SLC9C1: variants seen among roughly 807,000 people sequenced by gnomAD.
SLC9C1 encodes solute carrier family 9 member C1, also known as sodium/hydrogen exchanger 10.
Under a neutral mutation model 140.9 loss-of-function variants are expected in SLC9C1, and 97 were observed. The observed-to-expected ratio is 0.69, with a 90% confidence interval of 0.58 to 0.82. The LOEUF (loss-of-function observed/expected upper bound fraction) is 0.82, where lower values mean the gene tolerates loss of function less well. Ranked by LOEUF, SLC9C1 falls within the 40% of genes least tolerant of loss-of-function variation. SLC9C1 has a pLI of 0.00. For synonymous variants in SLC9C1, 440 were observed against 442.6 expected (o/e 0.99, Z 0.07); for missense variants, 1,340 against 1,389.3 (o/e 0.96, Z 0.56).
chr3:112,243,952 G>T, intron 11 of SLC9C1, 43 bp downstream of exon 11: 3 of 1,313,002 alleles, frequency 2.3e-6, no homozygotes, highest in Non-Finnish European at 3.2e-6. Flanking sequence ...ACCATACTTA[G>T]AATGTTTTTC....
chr3:112,214,986 C>T (rs968950695), intron 15 of SLC9C1, among the ~76,000 whole-genome samples: 1 of 152,152 alleles, frequency 6.6e-6, no homozygotes, highest in African/African-American at 2.4e-5. Context: ...CCGAATCCAG[C>T]AGCACATCAA....
intron 10 of SLC9C1, among the ~76,000 whole-genome samples, chr3:112,247,872 AGT>A (rs56782439): frequency 0.13 from 19,152 of 149,658 alleles, 1,396 homozygotes; most frequent in East Asian, 0.21. Flanking sequence ...TTTACTCTTG[AGT>A]GTGTGTGTGT....
intron 7 of SLC9C1, among the ~76,000 whole-genome samples, chr3:112,268,273 A>G (rs1427393522): frequency 6.6e-6 from 1 of 152,178 alleles, no homozygotes; most frequent in African/African-American, 2.4e-5. Flanking sequence ...AACCCTCGGT[A>G]TATTATAATT....
chr3:112,180,717 G>A, intron 21 of SLC9C1, 55 bp from the exon 22 acceptor site: 1 of 1,436,864 alleles, frequency 7.0e-7, no homozygotes, highest in Non-Finnish European at 9.6e-7. Context: ...AAGTGGTTGG[G>A]AATGTTAAAA....
At chr3:112,170,077 T>A (rs1246018013) in intron 23 of SLC9C1, among the ~76,000 whole-genome samples, 1 of 152,028 alleles carries the variant, frequency 6.6e-6, no homozygotes, top group Admixed American at 6.6e-5. Flanking sequence ...TAGACATTGG[T>A]GTAGGCAAAG....
At chr3:112,270,636 C>T (rs1347334712) in intron 6 of SLC9C1, among the ~76,000 whole-genome samples, 3 of 152,062 alleles carry the variant, frequency 2.0e-5, no homozygotes, top group African/African-American at 4.8e-5. Flanking sequence ...GCCAACATGG[C>T]GAAATCCCAT....
intron 28 of SLC9C1, among the ~76,000 whole-genome samples, chr3:112,146,458 A>G (rs146193698): frequency 4.6e-5 from 7 of 152,002 alleles, no homozygotes; most frequent in African/African-American, 1.7e-4. Context: ...AGTGTTATAA[A>G]CTTTATGCTT....
chr3:112,242,103 A>G (rs1559703388), intron 11 of SLC9C1, among the ~76,000 whole-genome samples: 1 of 152,196 alleles, frequency 6.6e-6, no homozygotes, highest in Non-Finnish European at 1.5e-5. Flanking sequence ...AGCAACACCT[A>G]ATTAAACTAG....
chr3:112,208,130 C>A (rs1458202298), intron 16 of SLC9C1, 48 bp downstream of exon 16: 2 of 1,390,092 alleles, frequency 1.4e-6, no homozygotes, highest in Middle Eastern at 1.9e-4. Flanking sequence ...TAGGAAATCT[C>A]CCTGTCAGAC....
At chr3:112,155,178 T>C in intron 26 of SLC9C1, 129 bp from the exon 27 acceptor site, 1 of 657,684 alleles carries the variant, frequency 1.5e-6, no homozygotes, top group Non-Finnish European at 2.4e-6. Flanking sequence ...TTGGTGGTAA[T>C]CTCATTTGGT....
chr3:112,208,772 T>A (rs1342731240), intron 15 of SLC9C1, among the ~76,000 whole-genome samples: 1 of 152,202 alleles, frequency 6.6e-6, no homozygotes, highest in Non-Finnish European at 1.5e-5. Flanking sequence ...TTGTTCCAAC[T>A]TTTTATGTTT....
intron 15 of SLC9C1, among the ~76,000 whole-genome samples, chr3:112,214,438 A>G (rs1338808071): frequency 6.6e-6 from 1 of 152,214 alleles, no homozygotes; most frequent in Non-Finnish European, 1.5e-5. Flanking sequence ...TTTTGAAAAG[A>G]TCAACAAAAT....
chr3:112,263,232 G>T, intron 9 of SLC9C1, 134 bp from the exon 10 acceptor site: 2 of 628,468 alleles, frequency 3.2e-6, no homozygotes, highest in Non-Finnish European at 5.0e-6. Flanking sequence ...ACACACTGTT[G>T]ACATGACACC....
At chr3:112,215,689 C>T (rs534549260) in intron 15 of SLC9C1, among the ~76,000 whole-genome samples, 8 of 152,122 alleles carry the variant, frequency 5.3e-5, no homozygotes, top group Non-Finnish European at 1.0e-4. Flanking sequence ...CAAACCACTG[C>T]TCAACAAAAT....
At chr3:112,273,118 T>A (rs2080120400) in intron 6 of SLC9C1, among the ~76,000 whole-genome samples, 1 of 152,142 alleles carries the variant, frequency 6.6e-6, no homozygotes, top group Admixed American at 6.6e-5. Context: ...CAATTGTACT[T>A]CTTTCAGGTT....
intron 20 of SLC9C1, among the ~76,000 whole-genome samples, chr3:112,187,592 T>TG (rs562062119): frequency 6.6e-6 from 1 of 152,168 alleles, no homozygotes; most frequent in Non-Finnish European, 1.5e-5. Flanking sequence ...TTGTGGCAAC[T>TG]GGGGGACTTG....
chr3:112,227,451 C>T (rs1173091542), intron 13 of SLC9C1, among the ~76,000 whole-genome samples: 1 of 152,160 alleles, frequency 6.6e-6, no homozygotes, highest in African/African-American at 2.4e-5. Flanking sequence ...CAAATCAACA[C>T]ACGTAAGACA....
chr3:112,190,960 CACACAT>C (rs758030687), intron 20 of SLC9C1, among the ~76,000 whole-genome samples: 6,389 of 147,620 alleles, frequency 0.043, 195 homozygotes, highest in Middle Eastern at 0.078. Flanking sequence ...CACACACACA[CACACAT>C]ATATATATAT....
intron 20 of SLC9C1, among the ~76,000 whole-genome samples, chr3:112,191,444 GA>G (rs2077659775): frequency 6.6e-6 from 1 of 152,026 alleles, no homozygotes; most frequent in Non-Finnish European, 1.5e-5. Flanking sequence ...TATCAATTGG[GA>G]AAATCATATT....
Sources: gnomAD v4.1 joint callset for allele counts (sites outside exome capture counted in the v4.1 genomes callset) on GRCh38, gnomAD v4.1.1 for gene constraint, MANE v1.5 for transcripts, NCBI Gene and HGNC (gene_info 2026-07-23, HGNC 2026-07-21) for gene names.